TRAP1: variants seen among roughly 807,000 people sequenced by gnomAD.
The protein encoded by TRAP1 is TNF receptor associated protein 1.
TRAP1 carries 102 observed loss-of-function variants against 89.1 expected under a neutral mutation model. That is an observed-to-expected ratio of 1.15 (90% CI 0.98 to 1.35). TRAP1 has a LOEUF of 1.35. TRAP1 is among the 40% of genes most tolerant of loss of function. The probability of loss-of-function intolerance (pLI) is 0.00; values close to 1 mark genes in which losing one functional copy is unlikely to be tolerated. For missense variants in TRAP1, 1,256 were observed against 945.3 expected (o/e 1.33, Z -4.31); for synonymous variants, 508 against 388.0 (o/e 1.31, Z -3.64).
intron 2 of TRAP1, among the ~76,000 whole-genome samples, chr16:3,689,358 C>T (rs372605977): frequency 2.0e-5 from 3 of 151,520 alleles, no homozygotes; most frequent in South Asian, 2.1e-4. Flanking sequence ...CATTCTCTTG[C>T]CTCAGCCTCC....
chr16:3,687,953 C>T (rs1019721153), intron 3 of TRAP1, among the ~76,000 whole-genome samples: 1 of 151,292 alleles, frequency 6.6e-6, no homozygotes, highest in Non-Finnish European at 1.5e-5. Flanking sequence ...GGTGGCTGAT[C>T]TGGGCGGAAG....
At chr16:3,672,208 C>T (rs1346322311) in intron 10 of TRAP1, among the ~76,000 whole-genome samples, 1 of 151,996 alleles carries the variant, frequency 6.6e-6, no homozygotes, top group Non-Finnish European at 1.5e-5. Context: ...TGGTGGCGGG[C>T]GCCTGTAATC....
intron 16 of TRAP1, chr16:3,661,637 G>A (rs1215098596): frequency 4.2e-6 from 1 of 239,064 alleles, no homozygotes. Flanking sequence ...CATGCCAAGT[G>A]AGCAACGTGA....
rs769729588 is a variant in TRAP1 at position 3,674,494 on chromosome 16, C to A, written c.889G>T (p.Ala297Ser). Reference protein sequence around the residue: ...LNGRRMNTLQAIWMMDPKDVR... With the variant: ...LNGRRMNTLQSIWMMDPKDVR... ...TCCTTGGGGTCCATCATCCAGATGGCCTGGAAACGGAGATCGGCGGGGAGG... is the reference window on the plus strand; with the variant it reads ...TCCTTGGGGTCCATCATCCAGATGGACTGGAAACGGAGATCGGCGGGGAGG... The change falls in exon 9 of 18, where the codon GCC becomes TCC. Residue 297 changes from alanine to serine, a missense_variant and splice_region_variant. Physicochemically the swap from Ala to Ser is moderately conservative, Grantham distance 99 (BLOSUM62 1). Coordinates refer to ENST00000246957, the MANE Select transcript of TRAP1 (RefSeq NM_016292.3). 6.2e-7 allele frequency: 1 copy of A among 1,613,750 alleles called. No individual in the cohort carries two copies. The highest frequency in any genetic ancestry group is 1.1e-5 in the South Asian group (1 of 91,046).
At chr16:3,717,383 C>T (rs2051611877) in intron 1 of TRAP1, 38 bp downstream of exon 1, 11 of 908,778 alleles carry the variant, frequency 1.2e-5, no homozygotes, top group Admixed American at 4.4e-5. Context: ...CTCCGTGGCC[C>T]GGCCCGCCCG....
At chr16:3,695,835 C>T (rs564227481) in intron 1 of TRAP1, among the ~76,000 whole-genome samples, 2 of 152,142 alleles carry the variant, frequency 1.3e-5, no homozygotes, top group Non-Finnish European at 2.9e-5. Flanking sequence ...AGCGGAAAAG[C>T]TGATTGTGGC....
chr16:3,701,684 G>C (rs1454592125), intron 1 of TRAP1, among the ~76,000 whole-genome samples: 1 of 152,150 alleles, frequency 6.6e-6, no homozygotes, highest in East Asian at 1.9e-4. Context: ...CTCTCCACGA[G>C]CTATGTAGTG....
chr16:3,677,114 G>T, intron 6 of TRAP1, among the ~76,000 whole-genome samples: 1 of 151,850 alleles, frequency 6.6e-6, no homozygotes, highest in African/African-American at 2.4e-5. Flanking sequence ...AGGCAGAAGT[G>T]GGCTGGGGAG....
chr16:3,708,852 G>A (rs1023861548), intron 1 of TRAP1, among the ~76,000 whole-genome samples: 2 of 142,656 alleles, frequency 1.4e-5, no homozygotes, highest in African/African-American at 5.2e-5. Flanking sequence ...GTTTTGCTCT[G>A]TTGCCGAGGC....
chr16:3,716,373 C>T (rs188408816), intron 1 of TRAP1, among the ~76,000 whole-genome samples: 3 of 152,264 alleles, frequency 2.0e-5, no homozygotes, highest in South Asian at 2.1e-4. Context: ...AAATACCGCA[C>T]GTGAACAAAT....
At position 3,672,814 on chromosome 16, in the gene TRAP1, A is replaced by G; in HGVS notation, c.1051T>C (p.Ser351Pro). 6.2e-7 allele frequency: 1 copy of G among 1,612,638 alleles called. No individual in the cohort carries two copies. The highest frequency in any genetic ancestry group is 8.5e-7 in the Non-Finnish European group (1 of 1,179,600). Residue 351 changes from serine (S) to proline (P), a missense_variant, in exon 10 of 18, where the codon TCC becomes CCC. Coordinates refer to ENST00000246957, the MANE Select transcript of TRAP1 (RefSeq NM_016292.3). The stretch of plus-strand genomic sequence containing the variant: ...AGCTCCCGGCTCACATCAAACATGG[A>G]CGGTTTCTGGGGGTGAGGAGAACAC... The part of the protein sequence containing the change: ...SIFYVPDMKP[S>P]MFDVSRELGS...
intron 4 of TRAP1, chr16:3,680,025 T>A (rs1596720764): frequency 4.3e-6 from 2 of 468,332 alleles, no homozygotes; most frequent in Non-Finnish European, 7.9e-6. Context: ...AGGCCAGGAG[T>A]TCAAGACCAG....
chr16:3,715,089 C>G (rs1374887724), intron 1 of TRAP1, among the ~76,000 whole-genome samples: 3 of 152,232 alleles, frequency 2.0e-5, no homozygotes, highest in Non-Finnish European at 2.9e-5. Context: ...CAGAGGAATG[C>G]TTGAACCACC....
chr16:3,715,981 G>A (rs564040793), intron 1 of TRAP1, among the ~76,000 whole-genome samples: 15 of 152,122 alleles, frequency 9.9e-5, no homozygotes, highest in Non-Finnish European at 1.9e-4. Flanking sequence ...TCCTGCCTCA[G>A]CCTCCCAAGA....
chr16:3,662,885 C>A lies in TRAP1; in HGVS notation c.1791G>T (p.Val597=). ...RNVLGSRVTN[V]KVTLRLDTHP... is the part of the protein sequence containing the mutation. The stretch of plus-strand genomic sequence containing the variant: ...TCCATCCCCGGGAAAGCCTCACCTT[C>A]ACGTTGGTGACACGCGACCCCAGCA... The change falls in exon 15 of 18, where the codon GTG becomes GTT. Residue 597 remains valine, a synonymous_variant. Coordinates refer to ENST00000246957, the MANE Select transcript of TRAP1 (RefSeq NM_016292.3). 1 of 1,613,672 alleles carries A rather than the reference C, an allele frequency of 6.2e-7. No homozygotes were observed. The highest frequency in any genetic ancestry group is 1.1e-5 in the South Asian group (1 of 91,086).
intron 11 of TRAP1, among the ~76,000 whole-genome samples, chr16:3,668,401 G>C (rs1183263212): frequency 6.6e-6 from 1 of 152,150 alleles, no homozygotes; most frequent in Non-Finnish European, 1.5e-5. Flanking sequence ...TGTATTGAGA[G>C]TTTCATGAAG....
chr16:3,696,318 C>T (rs142821282), intron 1 of TRAP1, among the ~76,000 whole-genome samples: 2 of 152,310 alleles, frequency 1.3e-5, no homozygotes, highest in Admixed American at 6.5e-5. Context: ...GGAGAACACA[C>T]AGCCCAGCCA....
chr16:3,679,641 C>T lies in TRAP1; in HGVS notation c.543+78G>A, dbSNP rs1194688967. ...CTGACAACGTTCTTACTTAATCTGGCACCCAGGGCCACCCCTACTGGAGGG... is the reference window on the plus strand; with the variant it reads ...CTGACAACGTTCTTACTTAATCTGGTACCCAGGGCCACCCCTACTGGAGGG... On this transcript the variant is annotated intron_variant, in intron 5 of 17. Transcript: ENST00000246957. 16 of 1,469,214 alleles carry T rather than the reference C, an allele frequency of 1.1e-5. No homozygotes were observed. In the East Asian group the frequency reaches 2.5e-4, roughly 23 times the overall value. 91.0% of individuals were successfully genotyped at this position (1,469,214 alleles called of 1,614,324 possible).
intron 11 of TRAP1, among the ~76,000 whole-genome samples, chr16:3,668,061 G>A (rs2050861162): frequency 6.6e-6 from 1 of 151,848 alleles, no homozygotes; most frequent in Non-Finnish European, 1.5e-5. Context: ...CCGAGTGGCT[G>A]GGATTACACC....
Sources: allele counts gnomAD v4.1 joint callset (sites outside exome capture counted in the v4.1 genomes callset), GRCh38; gene constraint gnomAD v4.1.1; transcripts MANE v1.5; gene names NCBI Gene and HGNC (gene_info 2026-07-23, HGNC 2026-07-21).